PXDNL: variants seen among roughly 807,000 people sequenced by gnomAD.
PXDNL encodes the protein probable oxidoreductase PXDNL.
PXDNL carries 145 observed loss-of-function variants against 150.8 expected under a neutral mutation model. The ratio of observed to expected loss-of-function variants is 0.96; its 90% CI spans 0.84 to 1.10. The LOEUF (loss-of-function observed/expected upper bound fraction) is 1.10. Among genes scored for constraint, PXDNL ranks in the 50% least tolerant of loss-of-function variants. The pLI is 0.00. For synonymous variants in PXDNL, 757 were observed against 725.7 expected (o/e 1.04, Z -0.69); for missense variants, 2,087 against 1,873.9 (o/e 1.11, Z -2.10).
At position 51,409,345 on chromosome 8, in the gene PXDNL, C is replaced by T. The variant is rs1442230090; in HGVS notation, c.2279G>A (p.Gly760Asp). The change falls in exon 17 of 23, where the codon GGC becomes GAC. Residue 760 changes from glycine to aspartate, a missense_variant. Transcript: ENST00000356297. ...GCCGAGCCCGCGGGGCGCGCGGATG[C>T]CGTCCCGGTAGGCTGGCTGCAGCAG... is the stretch of plus-strand genomic sequence containing the variant. ...ARLLQPAYRD[G>D]IRAPRGLGLP... 6.6e-7 allele frequency: 1 copy of T among 1,504,526 alleles called. No individual in the cohort carries two copies. Among genetic ancestry groups the T allele is most frequent in the Admixed American group, 2.4e-5 (1 of 41,584 alleles). 93.2% of individuals were successfully genotyped at this position (1,504,526 alleles called of 1,614,324 possible).
intron 19 of PXDNL, among the ~76,000 whole-genome samples, chr8:51,353,862 C>T (rs1471321379): frequency 6.6e-6 from 1 of 152,078 alleles, no homozygotes; most frequent in East Asian, 1.9e-4. Context: ...GTTATTGCCA[C>T]TCCTGTTTCT....
chr8:51,336,527 G>C (rs899043862), intron 21 of PXDNL, among the ~76,000 whole-genome samples: 2 of 152,134 alleles, frequency 1.3e-5, no homozygotes, highest in Admixed American at 6.5e-5. Context: ...AAAGACCGTT[G>C]GCCCTCACAA....
chr8:51,629,877 G>A (rs1334255163), intron 2 of PXDNL, among the ~76,000 whole-genome samples: 1 of 152,090 alleles, frequency 6.6e-6, no homozygotes, highest in Non-Finnish European at 1.5e-5. Context: ...GCAATTTGCA[G>A]ATTCAATGCT....
chr8:51,738,145 CACAAT>C (rs1318227966), intron 1 of PXDNL, among the ~76,000 whole-genome samples: 1 of 152,212 alleles, frequency 6.6e-6, no homozygotes, highest in Admixed American at 6.5e-5. Flanking sequence ...TTATCCCACC[CACAAT>C]ACAAATATAG....
intron 1 of PXDNL, among the ~76,000 whole-genome samples, chr8:51,736,130 T>G (rs1280533003): frequency 6.6e-6 from 1 of 152,140 alleles, no homozygotes; most frequent in African/African-American, 2.4e-5. Flanking sequence ...CTAAATAAAT[T>G]AAGAGAGGGG....
chr8:51,321,662 G>T (rs945025366), intron 21 of PXDNL, among the ~76,000 whole-genome samples: 4 of 152,096 alleles, frequency 2.6e-5, no homozygotes, highest in Non-Finnish European at 5.9e-5. Context: ...GAAGGTGCTT[G>T]CTTCCCCTTT....
In PXDNL at chr8:51,611,517, T is replaced by A. The variant is rs114375897; in HGVS notation, c.237-18819A>T. Among the ~76,000 whole-genome samples, 388 of 152,358 alleles carry A rather than the reference T, an allele frequency of 2.5e-3. 3 individuals are homozygous for A. The highest frequency in any genetic ancestry group is 8.8e-3 in the African/African-American group (366 of 41,588). ...TGTTTTCAAAGTTATGTGACAAAGC[T>A]TCTGCCTTCAACAATCTCAAAAATC... On this transcript the variant is annotated intron_variant, in intron 2 of 22. Coordinates refer to ENST00000356297, the MANE Select transcript of PXDNL (RefSeq NM_144651.5).
At chr8:51,578,003 AAGGAAGGAAGG>A (rs1563471221) in intron 3 of PXDNL, among the ~76,000 whole-genome samples, 1 of 62,854 alleles carries the variant, frequency 1.6e-5, no homozygotes, top group African/African-American at 8.2e-5. Context: ...AAGAAAGAGG[AAGGAAGGAAGG>A]AAGGAAGGAA....
intron 3 of PXDNL, among the ~76,000 whole-genome samples, chr8:51,581,931 CT>C (rs1435730552): frequency 1.3e-5 from 2 of 152,020 alleles, no homozygotes; most frequent in Admixed American, 1.3e-4. Context: ...CCTCATCAAT[CT>C]TTTTTTACCT....
chr8:51,345,709 T>C, intron 20 of PXDNL, 124 bp downstream of exon 20: 1 of 579,892 alleles, frequency 1.7e-6, no homozygotes, highest in Non-Finnish European at 3.1e-6. Flanking sequence ...CTCCTTTTCA[T>C]GTGATTCATC....
chr8:51,783,288 T>G (rs769885533), intron 1 of PXDNL, among the ~76,000 whole-genome samples: 1 of 152,228 alleles, frequency 6.6e-6, no homozygotes, highest in Non-Finnish European at 1.5e-5. Context: ...CCAGGATGTA[T>G]GCACAGCCCG....
chr8:51,730,954 A>T (rs1816905810), intron 1 of PXDNL, among the ~76,000 whole-genome samples: 1 of 152,150 alleles, frequency 6.6e-6, no homozygotes, highest in Non-Finnish European at 1.5e-5. Context: ...TGACATGTGG[A>T]AATTATGAGA....
chr8:51,570,749 A>C (rs755505933), intron 3 of PXDNL, among the ~76,000 whole-genome samples: 3 of 151,922 alleles, frequency 2.0e-5, no homozygotes, highest in Non-Finnish European at 4.4e-5. Context: ...TCCAGCATTC[A>C]AGCTAGAATT....
chr8:51,457,755 T>C (rs781101801), intron 8 of PXDNL, 88 bp from the exon 9 acceptor site: 9 of 877,520 alleles, frequency 1.0e-5, no homozygotes, highest in South Asian at 2.4e-5. Flanking sequence ...ACTATATAGC[T>C]ATGTTTCATG....
intron 5 of PXDNL, among the ~76,000 whole-genome samples, chr8:51,497,211 C>T (rs1811072292): frequency 6.6e-6 from 1 of 152,068 alleles, no homozygotes; most frequent in Non-Finnish European, 1.5e-5. Context: ...ATAAATGGTG[C>T]TGGGAAAACT....
intron 2 of PXDNL, among the ~76,000 whole-genome samples, chr8:51,606,263 A>G (rs900560928): frequency 1.3e-5 from 2 of 152,134 alleles, no homozygotes; most frequent in African/African-American, 4.8e-5. Flanking sequence ...TTTAACTTTG[A>G]ATTTTTTGTC....
At chr8:51,633,410 C>A (rs1585634573) in intron 2 of PXDNL, among the ~76,000 whole-genome samples, 1 of 151,956 alleles carries the variant, frequency 6.6e-6, no homozygotes, top group East Asian at 1.9e-4. Flanking sequence ...TGGGTATATA[C>A]CCTGCAATGA....
intron 17 of PXDNL, among the ~76,000 whole-genome samples, chr8:51,392,745 TA>T (rs1323052301): frequency 3.3e-5 from 5 of 152,208 alleles, no homozygotes; most frequent in African/African-American, 1.2e-4. Flanking sequence ...TTCTCCTGCC[TA>T]ATTGCCCTGG....
chr8:51,761,100 G>T (rs2037161574), intron 1 of PXDNL, among the ~76,000 whole-genome samples: 1 of 143,514 alleles, frequency 7.0e-6, no homozygotes, highest in South Asian at 2.2e-4. Flanking sequence ...GTCTCGAACT[G>T]CTGACCTCGT....
Sources: allele counts gnomAD v4.1 joint callset (sites outside exome capture counted in the v4.1 genomes callset), GRCh38; gene constraint gnomAD v4.1.1; transcripts MANE v1.5; gene names NCBI Gene and HGNC (gene_info 2026-07-23, HGNC 2026-07-21).